SLC7A1: variants seen among roughly 807,000 people sequenced by gnomAD.
SLC7A1 encodes solute carrier family 7 member 1.
SLC7A1 carries 10 observed loss-of-function variants against 53.9 expected under a neutral mutation model. The ratio of observed to expected loss-of-function variants is 0.19; its 90% confidence interval spans 0.11 to 0.31. The LOEUF (loss-of-function observed/expected upper bound fraction) is 0.31. Ranked by LOEUF, SLC7A1 falls within the 10% of genes least tolerant of loss-of-function variation. The pLI is 1.00. For synonymous variants in SLC7A1, 342 were observed against 338.7 expected (o/e 1.01, Z -0.11); for missense variants, 525 against 827.2 (o/e 0.63, Z 4.48).
At chr13:29,545,491 C>A (rs1869876149) in intron 2 of SLC7A1, among the ~76,000 whole-genome samples, 1 of 152,220 alleles carries the variant, frequency 6.6e-6, no homozygotes, top group South Asian at 2.1e-4. Context: ...CCTGCCACTG[C>A]AAGGTGCTGT....
intron 1 of SLC7A1, among the ~76,000 whole-genome samples, chr13:29,591,556 C>A (rs1424899193): frequency 2.1e-5 from 3 of 145,224 alleles, no homozygotes; most frequent in Non-Finnish European, 4.6e-5. Context: ...AGTGTGGGAT[C>A]CACTTTTAAA....
intron 5 of SLC7A1, 90 bp from the exon 6 acceptor site, chr13:29,524,343 C>A: frequency 6.5e-7 from 1 of 1,530,868 alleles, no homozygotes; most frequent in Non-Finnish European, 8.9e-7. Context: ...TGAGCGGAAC[C>A]TGGCAGTCAG....
chr13:29,533,543 G>C (rs536715870), intron 3 of SLC7A1, among the ~76,000 whole-genome samples: 1 of 152,244 alleles, frequency 6.6e-6, no homozygotes, highest in East Asian at 1.9e-4. Context: ...TCCATCTCAG[G>C]GACAAAGCCA....
Position 29,514,415 on chromosome 13 carries a change from T to C in SLC7A1, c.*65A>G. ...TGTTGCACTGGTGGGGAGGGTGGGG[T>C]GCCTCCCGGTCCTCTGGGGGCGTCC... On this transcript the variant is annotated 3_prime_UTR_variant, in exon 13 of 13. Coordinates refer to ENST00000380752, the MANE Select transcript of SLC7A1 (RefSeq NM_003045.5). The C allele has an allele frequency of 8.5e-7, 1 of 1,173,752 alleles. No individual in the cohort carries two copies. Among genetic ancestry groups the C allele is most frequent in the East Asian group, 2.4e-5 (1 of 41,834 alleles). The allele number at this position is 1,173,752 out of a possible 1,614,324, so 72.7% of individuals were successfully genotyped here.
chr13:29,515,450 G>C (rs1011286753), intron 12 of SLC7A1, among the ~76,000 whole-genome samples: 1 of 152,206 alleles, frequency 6.6e-6, no homozygotes, highest in Non-Finnish European at 1.5e-5. Flanking sequence ...AGCACCCCTC[G>C]AGGGCCCTGG....
At position 29,542,986 on chromosome 13, in the gene SLC7A1, C is replaced by T. The variant is rs112538056; in HGVS notation, c.-14-6784G>A. Among the ~76,000 whole-genome samples the T allele has an allele frequency of 3.6e-3, 554 of 152,258 alleles. 1 individual carries two copies. Among genetic ancestry groups the T allele is most frequent in the African/African-American group, 0.013 (530 of 41,528 alleles). On this transcript the variant is annotated intron_variant, in intron 2 of 12. Coordinates refer to ENST00000380752, the MANE Select transcript of SLC7A1 (RefSeq NM_003045.5). The stretch of plus-strand genomic sequence containing the variant: ...GGCTGACTCCAGGCAGCTAGTGACA[C>T]GCTAAGGATATAACTAAATTCCACC...
chr13:29,557,391 G>C (rs1870484754), intron 1 of SLC7A1, among the ~76,000 whole-genome samples: 1 of 152,066 alleles, frequency 6.6e-6, no homozygotes, highest in Admixed American at 6.5e-5. Context: ...AGTGTACTTA[G>C]AGTGTACTGA....
Position 29,514,294 on chromosome 13 carries a change from C to G in SLC7A1, c.*186G>C, listed in dbSNP as rs1342383802. 1.7e-6 allele frequency: 1 copy of G among 593,246 alleles called. No individual in the cohort carries two copies. The highest frequency in any genetic ancestry group is 3.0e-6 in the Non-Finnish European group (1 of 330,172). The allele number at this position is 593,246 out of a possible 1,614,324, so 36.7% of individuals were successfully genotyped here. A position where few individuals can be genotyped will look rare whatever the true frequency, so the allele number is the denominator to read the frequency against. On this transcript the variant is annotated 3_prime_UTR_variant, in exon 13 of 13. Coordinates refer to ENST00000380752, the MANE Select transcript of SLC7A1 (RefSeq NM_003045.5). ...GGCAGCTGTCTGGAGGTGACCAGGGCCCGGAGAACCGGCTGCAGAGCCGAG... is the reference window on the plus strand; with the variant it reads ...GGCAGCTGTCTGGAGGTGACCAGGGGCCGGAGAACCGGCTGCAGAGCCGAG...
chr13:29,568,820 T>C (rs1871076664), intron 1 of SLC7A1, among the ~76,000 whole-genome samples: 1 of 152,198 alleles, frequency 6.6e-6, no homozygotes, highest in African/African-American at 2.4e-5. Flanking sequence ...GACCACTTGC[T>C]TGATAAGCCC....
chr13:29,547,076 A>G (rs567122339), intron 2 of SLC7A1, among the ~76,000 whole-genome samples: 1 of 152,308 alleles, frequency 6.6e-6, no homozygotes, highest in South Asian at 2.1e-4. Flanking sequence ...CAGGTGCCAA[A>G]CTGACTCAAC....
chr13:29,527,458 C>CAT (rs61591800), intron 5 of SLC7A1, among the ~76,000 whole-genome samples: 24,464 of 152,134 alleles, frequency 0.16, 3,290 homozygotes, highest in East Asian at 0.61. Context: ...CAAACCAAAA[C>CAT]GTAGAGATAT....
At chr13:29,590,927 G>A (rs1872081913) in intron 1 of SLC7A1, among the ~76,000 whole-genome samples, 1 of 152,046 alleles carries the variant, frequency 6.6e-6, no homozygotes, top group Non-Finnish European at 1.5e-5. Context: ...AACATAATGA[G>A]ATCCCTTCTC....
intron 1 of SLC7A1, among the ~76,000 whole-genome samples, chr13:29,582,990 C>T (rs1871714956): frequency 1.3e-5 from 2 of 152,212 alleles, no homozygotes; most frequent in East Asian, 1.9e-4. Flanking sequence ...TACACAACTA[C>T]AATGGAAATG....
At position 29,512,681 on chromosome 13, in the gene SLC7A1, T is replaced by C. The variant is rs1205345045; in HGVS notation, c.*1799A>G. On this transcript the variant is annotated 3_prime_UTR_variant, in exon 13 of 13. Transcript: ENST00000380752. Reference sequence around the variant, plus strand: ...ACACCAATCTCCATAAATGTCAATATCACTCTTTGGAAATCGGAGCTCTGG... The same window carrying C: ...ACACCAATCTCCATAAATGTCAATACCACTCTTTGGAAATCGGAGCTCTGG... The C allele has an allele frequency of 1.1e-4, 16 of 152,208 alleles. No individual in the cohort carries two copies. Among genetic ancestry groups the C allele is most frequent in the Non-Finnish European group, 2.1e-4 (14 of 68,048 alleles). 9.4% of individuals were successfully genotyped at this position (152,208 alleles called of 1,614,324 possible).
intron 2 of SLC7A1, among the ~76,000 whole-genome samples, chr13:29,553,543 C>T (rs1433285900): frequency 6.6e-6 from 1 of 152,174 alleles, no homozygotes; most frequent in Non-Finnish European, 1.5e-5. Context: ...AGTGAGAAGA[C>T]AAGCTTGTTT....
chr13:29,548,814 C>T (rs1870042630), intron 2 of SLC7A1, among the ~76,000 whole-genome samples: 1 of 152,234 alleles, frequency 6.6e-6, no homozygotes, highest in Non-Finnish European at 1.5e-5. Context: ...AGAGCCCTGA[C>T]ACACACGTAA....
intron 1 of SLC7A1, among the ~76,000 whole-genome samples, chr13:29,588,492 T>C (rs1871979277): frequency 7.7e-6 from 1 of 130,098 alleles, no homozygotes; most frequent in South Asian, 2.6e-4. Context: ...CCTGCAAATT[T>C]TCTTTTCTTT....
At chr13:29,590,503 T>C (rs1390978541) in intron 1 of SLC7A1, among the ~76,000 whole-genome samples, 3 of 152,132 alleles carry the variant, frequency 2.0e-5, no homozygotes, top group Non-Finnish European at 4.4e-5. Context: ...GCAAGGTGCA[T>C]GGGTCTGAGT....
chr13:29,525,517 T>C (rs963540808), intron 5 of SLC7A1, among the ~76,000 whole-genome samples: 23 of 152,204 alleles, frequency 1.5e-4, no homozygotes, highest in Non-Finnish European at 1.0e-4. Flanking sequence ...GAACTTTGCT[T>C]TCAATGGGAT....
Sources: gnomAD v4.1 joint callset for allele counts (sites outside exome capture counted in the v4.1 genomes callset) on GRCh38, gnomAD v4.1.1 for gene constraint, MANE v1.5 for transcripts, NCBI Gene and HGNC (gene_info 2026-07-23, HGNC 2026-07-21) for gene names.